Variants in AZIN1 observed in about 807,000 individuals in gnomAD.
AZIN1 encodes the protein ornithine decarboxylase antizyme inhibitor.
In AZIN1, 12 loss-of-function variants were observed where a neutral mutation model predicts 47.4. That is an observed-to-expected ratio of 0.25 (90% confidence interval 0.16 to 0.41). The LOEUF is 0.41. AZIN1 is among the 10% of genes least tolerant of loss of function. The pLI is 1.00. For synonymous variants in AZIN1, 155 were observed against 176.3 expected, an observed-to-expected ratio of 0.88 and a Z score of 0.96; for missense variants, 410 against 532.4, an observed-to-expected ratio of 0.77 and a Z score of 2.26.
At position 102,826,847 on chromosome 8, in the gene AZIN1, G is replaced by C. The variant is rs193147676; in HGVS notation, c.*1720C>G. The C allele has an allele frequency of 6.6e-6, 1 of 152,670 alleles. No homozygotes were observed. The highest frequency in any genetic ancestry group is 1.9e-4 in the East Asian group (1 of 5,192). The allele number at this position is 152,670 out of a possible 1,614,324, so 9.5% of individuals were successfully genotyped here. A position where few individuals can be genotyped will look rare whatever the true frequency, so the allele number is the denominator to read the frequency against. On this transcript the variant is annotated 3_prime_UTR_variant, in exon 12 of 12. Transcript: ENST00000337198. ...AATGGTTAAAAAAAGTTACATGGTA[G>C]CTTGGAATTTTGCATAAAACCCCAT... is the stretch of plus-strand genomic sequence containing the variant.
At chr8:102,838,291 A>G (rs1811949431) in intron 5 of AZIN1, among the ~76,000 whole-genome samples, 1 of 152,188 alleles carries the variant, frequency 6.6e-6, no homozygotes, top group Non-Finnish European at 1.5e-5. Context: ...CCCCAAATCT[A>G]TGGTCTAGGC....
At chr8:102,829,986 T>C (rs1811331656) in intron 9 of AZIN1, 50 bp from the exon 10 acceptor site, 1 of 1,163,734 alleles carries the variant, frequency 8.6e-7, no homozygotes, top group Non-Finnish European at 1.3e-6. Flanking sequence ...AAATGGCTCA[T>C]ATGAAACAAA....
chr8:102,838,663 G>A (rs543344671), intron 5 of AZIN1, 81 bp downstream of exon 5: 123 of 1,155,294 alleles, frequency 1.1e-4, no homozygotes, highest in South Asian at 1.7e-4. Flanking sequence ...TACCACAAAT[G>A]CTCCTTTCTT....
At chr8:102,842,789 G>C (rs575655904) in intron 3 of AZIN1, among the ~76,000 whole-genome samples, 1 of 151,280 alleles carries the variant, frequency 6.6e-6, no homozygotes, top group African/African-American at 2.4e-5. Flanking sequence ...CCAGCTACTC[G>C]GGAGGCTGAG....
Position 102,826,618 on chromosome 8 carries a change from CAT to C in AZIN1, c.*1947_*1948del. 1 of 152,738 alleles carries C rather than the reference CAT, an allele frequency of 6.5e-6. No homozygotes were observed. Among genetic ancestry groups the C allele is most frequent in the East Asian group, 1.9e-4 (1 of 5,194 alleles). The allele number at this position is 152,738 out of a possible 1,614,324, so 9.5% of individuals were successfully genotyped here. On this transcript the variant is annotated 3_prime_UTR_variant, in exon 12 of 12. Transcript: ENST00000337198. The stretch of plus-strand genomic sequence containing the variant: ...TTCTTAAAAGTTACCGTATCATTCA[CAT>C]GTGATATTTGCAACTCTGAGCTATT...
At chr8:102,860,945 G>A (rs1813607927) in intron 1 of AZIN1, among the ~76,000 whole-genome samples, 1 of 152,210 alleles carries the variant, frequency 6.6e-6, no homozygotes, top group Admixed American at 6.5e-5. Context: ...AAGGAAGACT[G>A]AGAAACTGTC....
At chr8:102,844,113 A>T (rs1009012296) in intron 2 of AZIN1, among the ~76,000 whole-genome samples, 2 of 152,256 alleles carry the variant, frequency 1.3e-5, no homozygotes, top group African/African-American at 4.8e-5. Flanking sequence ...CTAGTGAAAT[A>T]AGTATCTGCA....
chr8:102,828,516 C>T lies in AZIN1; in HGVS notation c.*51G>A. The T allele has an allele frequency of 8.2e-7, 1 of 1,220,620 alleles. No homozygotes were observed. The highest frequency in any genetic ancestry group is 2.0e-4 in the Middle Eastern group (1 of 5,068). 75.6% of individuals were successfully genotyped at this position (1,220,620 alleles called of 1,614,324 possible). Reference sequence around the variant, plus strand: ...TTATTTTTCCACACTGGAATGTTGACCAGACAAGCTTAACCTGCAACTTCA... The same window carrying T: ...TTATTTTTCCACACTGGAATGTTGATCAGACAAGCTTAACCTGCAACTTCA... On this transcript the variant is annotated 3_prime_UTR_variant, in exon 12 of 12. Transcript: ENST00000337198.
At chr8:102,856,834 T>C (rs1311003180) in intron 2 of AZIN1, among the ~76,000 whole-genome samples, 1 of 152,222 alleles carries the variant, frequency 6.6e-6, no homozygotes, top group Non-Finnish European at 1.5e-5. Context: ...CTCTTTAATG[T>C]GCACACAAGC....
rs1811162959 is a variant in AZIN1, at chr8:102,827,198, G to A, written c.*1369C>T. 1 of 152,532 alleles carries A rather than the reference G, an allele frequency of 6.6e-6. No individual in the cohort carries two copies. The highest frequency in any genetic ancestry group is 1.5e-5 in the Non-Finnish European group (1 of 68,012). The allele number at this position is 152,532 out of a possible 1,614,324, so 9.4% of individuals were successfully genotyped here. On this transcript the variant is annotated 3_prime_UTR_variant, in exon 12 of 12. Transcript: ENST00000337198. ...AATTCCACACCTGAACACAGAGTAAGTTAGGAAAAAATGACCCCTGTTGTT... is the reference window on the plus strand; with the variant it reads ...AATTCCACACCTGAACACAGAGTAAATTAGGAAAAAATGACCCCTGTTGTT...
At chr8:102,833,753 ATTTTTT>A (rs11355998) in intron 8 of AZIN1, among the ~76,000 whole-genome samples, 3 of 130,616 alleles carry the variant, frequency 2.3e-5, no homozygotes, top group Admixed American at 7.7e-5. Context: ...GAAAGACTCA[ATTTTTT>A]TTTTTTTTTT....
intron 2 of AZIN1, chr8:102,854,652 C>G (rs1356903923): frequency 6.9e-6 from 1 of 144,256 alleles, no homozygotes; most frequent in East Asian, 2.0e-4. Context: ...TAAAATAATC[C>G]TAATTAGGTA....
chr8:102,847,588 A>G (rs1165350205), intron 2 of AZIN1, among the ~76,000 whole-genome samples: 1 of 149,122 alleles, frequency 6.7e-6, no homozygotes, highest in Non-Finnish European at 1.5e-5. Context: ...TTTTTTTGAG[A>G]AAAGGTCTCA....
In AZIN1 at chr8:102,843,574, T is replaced by C; in HGVS notation, c.79A>G (p.Asn27Asp). The C allele has an allele frequency of 1.9e-6, 3 of 1,613,988 alleles. No homozygotes were observed. Among genetic ancestry groups the C allele is most frequent in the Non-Finnish European group, 2.5e-6 (3 of 1,179,862 alleles). Residue 27 changes from asparagine to aspartate, a missense_variant, in exon 3 of 12, where the codon AAC becomes GAC. Around this residue, in one of 3 missense-constraint regions of AZIN1, gnomAD observed 237 missense variants for 309.4 expected, o/e 0.77. Coordinates refer to ENST00000337198, the MANE Select transcript of AZIN1 (RefSeq NM_148174.4). Reference protein sequence around the residue: ...EGTNLGNVIDNYVYEHTLTGK... With the variant: ...EGTNLGNVIDDYVYEHTLTGK... ...ACCAGGGTATGTTCATAAACATAGTTATCAATAACATTTCCAAGGTTTGTT... is the reference window on the plus strand; with the variant it reads ...ACCAGGGTATGTTCATAAACATAGTCATCAATAACATTTCCAAGGTTTGTT...
intron 2 of AZIN1, among the ~76,000 whole-genome samples, chr8:102,843,999 A>G (rs948459960): frequency 6.6e-6 from 1 of 152,246 alleles, no homozygotes; most frequent in Non-Finnish European, 1.5e-5. Flanking sequence ...TTACAAGCCT[A>G]TATGGTCACC....
chr8:102,839,650 T>A lies in AZIN1; in HGVS notation c.276A>T (p.Lys92Asn). Residue 92 changes from lysine to asparagine, a missense_variant and splice_region_variant, in exon 4 of 12, where the codon AAA (lysine) becomes AAT (asparagine). Physicochemically the swap from Lys to Asn is moderately conservative, Grantham distance 94. Around this residue, in one of 3 missense-constraint regions of AZIN1, gnomAD observed 237 missense variants for 309.4 expected, o/e 0.77. Coordinates refer to ENST00000337198, the MANE Select transcript of AZIN1 (RefSeq NM_148174.4). ...TAGTTAAAAAATGAAAAATACTTAC[T>A]TTACTGGAACAAGCAAATCCGGTTC... ...ALGTGFACSS[K>N]NEMALVQELG... 7 of 1,542,130 alleles carry A rather than the reference T, an allele frequency of 4.5e-6. No individual in the cohort carries two copies. Among genetic ancestry groups the A allele is most frequent in the Non-Finnish European group, 6.1e-6 (7 of 1,143,446 alleles).
chr8:102,856,850 G>A (rs1813325622), intron 2 of AZIN1, among the ~76,000 whole-genome samples: 1 of 152,200 alleles, frequency 6.6e-6, no homozygotes, highest in Non-Finnish European at 1.5e-5. Flanking sequence ...CAAGCCACCT[G>A]GATATAGACT....
intron 2 of AZIN1, among the ~76,000 whole-genome samples, chr8:102,851,736 C>G (rs1474906036): frequency 6.6e-6 from 1 of 152,132 alleles, no homozygotes; most frequent in Non-Finnish European, 1.5e-5. Context: ...TGTAATATCT[C>G]AGAGGCCCCT....
At chr8:102,830,401 C>CAAAAAAA (rs34437491) in intron 9 of AZIN1, among the ~76,000 whole-genome samples, 14 of 90,546 alleles carry the variant, frequency 1.5e-4, no homozygotes, top group Admixed American at 5.0e-4. Flanking sequence ...GACCCTGTCT[C>CAAAAAAA]AAAAAAAAAA....
Sources: allele counts gnomAD v4.1 joint callset (sites outside exome capture counted in the v4.1 genomes callset), GRCh38; gene constraint gnomAD v4.1.1; regional missense constraint gnomAD v4.1.1; transcripts MANE v1.5; gene names NCBI Gene and HGNC (gene_info 2026-07-23, HGNC 2026-07-21).